TSHR: variants seen among roughly 807,000 people sequenced by gnomAD.
The protein encoded by TSHR is thyrotropin receptor.
Under a neutral mutation model 64.1 loss-of-function variants are expected in TSHR, and 51 were observed. The ratio of observed to expected loss-of-function variants is 0.80; its 90% CI spans 0.64 to 1.01. The LOEUF (loss-of-function observed/expected upper bound fraction) is 1.01. Ranked by LOEUF, TSHR falls within the 50% of genes least tolerant of loss-of-function variation. The pLI, the probability that TSHR is intolerant of heterozygous loss-of-function variation, is 0.00. For missense variants in TSHR, 877 were observed against 942.8 expected, an observed-to-expected ratio of 0.93 and a Z score of 0.91; for synonymous variants, 361 against 361.9, an observed-to-expected ratio of 1.00 and a Z score of 0.03.
Position 80,984,468 on chromosome 14 carries a change from A to G in TSHR, c.170+28618A>G, listed in dbSNP as rs186745910. ...GGTACTCGTGTTTTTATTAGAACTC[A>G]TTAGTCTGGGTACCCTCCAATGAGA... On this transcript the variant is annotated intron_variant, in intron 1 of 9. Transcript: ENST00000298171. 4.0e-3 allele frequency among the ~76,000 whole-genome samples: 611 copies of G among 152,272 alleles called. 9 individuals carry two copies. Among genetic ancestry groups the G allele is most frequent in the African/African-American group, 9.9e-3 (413 of 41,540 alleles).
At chr14:81,044,670 A>AC (rs1885087759) in intron 1 of TSHR, among the ~76,000 whole-genome samples, 4 of 137,670 alleles carry the variant, frequency 2.9e-5, no homozygotes, top group Non-Finnish European at 6.6e-5. Flanking sequence ...AAAAAAAAAA[A>AC]AAAACACACA....
intron 1 of TSHR, among the ~76,000 whole-genome samples, chr14:81,000,057 G>A (rs1012193767): frequency 3.3e-5 from 5 of 150,190 alleles, no homozygotes; most frequent in East Asian, 2.0e-4. Flanking sequence ...TCAGACTCCC[G>A]AGTAGCTGGG....
chr14:81,054,256 T>C (rs1885615632), intron 1 of TSHR, among the ~76,000 whole-genome samples: 1 of 152,190 alleles, frequency 6.6e-6, no homozygotes, highest in Non-Finnish European at 1.5e-5. Context: ...TGTGACTTGC[T>C]CCTCCTTGCC....
At chr14:81,033,218 G>C (rs540148208) in intron 1 of TSHR, 1 of 459,860 alleles carries the variant, frequency 2.2e-6, no homozygotes, top group Admixed American at 2.7e-5. Context: ...AAAATCTGAA[G>C]AGCCCTCAGA....
chr14:80,994,141 TCTTC>T (rs1888882712), intron 1 of TSHR: 1 of 152,166 alleles, frequency 6.6e-6, no homozygotes, highest in Non-Finnish European at 1.5e-5. Flanking sequence ...ATATAGTTTC[TCTTC>T]CTTATGATTT....
chr14:80,956,042 A>G lies in TSHR; in HGVS notation c.170+192A>G, dbSNP rs951230656. The stretch of plus-strand genomic sequence containing the variant: ...AATCGCCCACACTTGGGAAGGTATC[A>G]TTGTTGACATCCTCATTCCCAACAC... On this transcript the variant is annotated intron_variant, in intron 1 of 9. Coordinates refer to ENST00000298171, the MANE Select transcript of TSHR (RefSeq NM_000369.5). 1.1e-4 allele frequency: 75 copies of G among 674,512 alleles called. No homozygotes were observed. In the Middle Eastern group the frequency reaches 1.6e-3, roughly 14 times the overall value. 41.8% of individuals were successfully genotyped at this position (674,512 alleles called of 1,614,324 possible).
At chr14:81,112,449 T>C (rs747545194) in intron 8 of TSHR, among the ~76,000 whole-genome samples, 7 of 152,270 alleles carry the variant, frequency 4.6e-5, no homozygotes, top group Admixed American at 6.5e-5. Flanking sequence ...CTCCTTTGGT[T>C]AAATCATCTG....
rs771027875 is a variant in TSHR, at chr14:81,092,570, G to C, written c.507G>C (p.Val169=). The C allele has an allele frequency of 6.2e-7, 1 of 1,614,106 alleles. No individual in the cohort carries two copies. The change falls in exon 6 of 10, where the codon GTG becomes GTC. Residue 169 remains valine (V), a synonymous_variant. Coordinates refer to ENST00000298171, the MANE Select transcript of TSHR (RefSeq NM_000369.5). ...TDNPYMTSIP[V]NAFQGLCNET... The stretch of plus-strand genomic sequence containing the variant: ...ACCCTTACATGACGTCAATCCCTGT[G>C]AATGCTTTTCAGGGACTATGCAATG...
At chr14:81,074,634 A>G (rs1319818938) in intron 3 of TSHR, among the ~76,000 whole-genome samples, 1 of 152,204 alleles carries the variant, frequency 6.6e-6, no homozygotes, top group Non-Finnish European at 1.5e-5. Flanking sequence ...ATTGTGTTGG[A>G]TTTGCTGCAA....
intron 1 of TSHR, among the ~76,000 whole-genome samples, chr14:80,999,854 G>A (rs957105643): frequency 9.9e-5 from 15 of 151,856 alleles, no homozygotes; most frequent in South Asian, 2.1e-4. Context: ...GGGCTGCACT[G>A]TAGAAGTCAT....
At chr14:81,042,257 C>A (rs1230849822) in intron 1 of TSHR, among the ~76,000 whole-genome samples, 1 of 152,096 alleles carries the variant, frequency 6.6e-6, no homozygotes. Context: ...AAAACTAGAA[C>A]TATTATGTGA....
chr14:81,115,271 G>C (rs920951648), intron 8 of TSHR, among the ~76,000 whole-genome samples: 1 of 151,664 alleles, frequency 6.6e-6, no homozygotes, highest in Admixed American at 6.6e-5. Flanking sequence ...CAAAGAAGTT[G>C]AAAACTTTGA....
chr14:80,962,560 T>C (rs567224073), intron 1 of TSHR, among the ~76,000 whole-genome samples: 87 of 152,330 alleles, frequency 5.7e-4, no homozygotes, highest in African/African-American at 1.9e-3. Context: ...TCTACAAACA[T>C]TGTATTTCCA....
At chr14:81,064,098 C>G (rs986247460) in intron 2 of TSHR, among the ~76,000 whole-genome samples, 23 of 151,828 alleles carry the variant, frequency 1.5e-4, no homozygotes, top group Non-Finnish European at 2.9e-4. Context: ...TTTAAGCAGG[C>G]AAGAGAAATG....
At chr14:81,024,496 C>G (rs1265938869) in intron 1 of TSHR, among the ~76,000 whole-genome samples, 4 of 152,136 alleles carry the variant, frequency 2.6e-5, no homozygotes, top group African/African-American at 9.7e-5. Flanking sequence ...ATCTGCCCAC[C>G]TTGGCCTCCC....
intron 7 of TSHR, 148 bp from the exon 8 acceptor site, chr14:81,108,227 C>A: frequency 1.4e-6 from 1 of 704,268 alleles, no homozygotes; most frequent in Non-Finnish European, 2.4e-6. Flanking sequence ...TTTAAGTGCT[C>A]AAGCCAGAAG....
intron 1 of TSHR, chr14:80,982,381 C>A (rs1445973826): frequency 1.3e-5 from 16 of 1,263,176 alleles, no homozygotes; most frequent in Admixed American, 8.2e-5. Context: ...GGCTGGTAAT[C>A]ATTCCGGTGC....
chr14:80,999,935 CTT>C (rs557662208), intron 1 of TSHR, among the ~76,000 whole-genome samples: 15 of 136,308 alleles, frequency 1.1e-4, no homozygotes, highest in Admixed American at 1.5e-4. Context: ...TCTTTTTTTT[CTT>C]TTTTTTTTTT....
chr14:81,048,508 G>A (rs558112981), intron 1 of TSHR, among the ~76,000 whole-genome samples: 5 of 152,128 alleles, frequency 3.3e-5, no homozygotes, highest in African/African-American at 9.7e-5. Flanking sequence ...GTGTATGTGC[G>A]AGTGTGTCCT....
Sources: gnomAD v4.1 joint callset for allele counts (sites outside exome capture counted in the v4.1 genomes callset) on GRCh38, gnomAD v4.1.1 for gene constraint, MANE v1.5 for transcripts, NCBI Gene and HGNC (gene_info 2026-07-23, HGNC 2026-07-21) for gene names.